SIK3: variants seen among roughly 807,000 people sequenced by gnomAD.
The protein encoded by SIK3 is serine/threonine-protein kinase SIK3.
A neutral mutation model predicts 144.2 loss-of-function variants in SIK3; 28 were observed. The observed-to-expected ratio is 0.19, with a 90% CI of 0.14 to 0.27. The LOEUF (loss-of-function observed/expected upper bound fraction) is 0.27, where lower values mean the gene tolerates loss of function less well. SIK3 is among the 10% of genes least tolerant of loss of function. The probability of loss-of-function intolerance (pLI) is 1.00; values close to 1 mark genes in which losing one functional copy is unlikely to be tolerated. For missense variants in SIK3, 1,319 were observed against 1,776.0 expected (o/e 0.74, Z 4.62); for synonymous variants, 686 against 676.3 (o/e 1.01, Z -0.22).
intron 6 of SIK3, among the ~76,000 whole-genome samples, chr11:116,883,223 A>T (rs1345644213): frequency 6.6e-6 from 1 of 152,232 alleles, no homozygotes; most frequent in African/African-American, 2.4e-5. Context: ...GATTTAAAAA[A>T]TGTTTGTCTC....
At chr11:117,048,468 C>T (rs1473565036) in intron 1 of SIK3, among the ~76,000 whole-genome samples, 1 of 151,966 alleles carries the variant, frequency 6.6e-6, no homozygotes, top group East Asian at 1.9e-4. Context: ...ACCAGCCTGA[C>T]CAACATGGAG....
intron 1 of SIK3, among the ~76,000 whole-genome samples, chr11:116,969,912 T>C (rs1949708113): frequency 6.6e-6 from 1 of 152,194 alleles, no homozygotes; most frequent in Non-Finnish European, 1.5e-5. Flanking sequence ...CTCTAAGATA[T>C]GTTTGTGACC....
intron 1 of SIK3, among the ~76,000 whole-genome samples, chr11:117,008,525 A>C (rs747634949): frequency 3.1e-4 from 47 of 152,236 alleles, no homozygotes; most frequent in Admixed American, 9.2e-4. Context: ...TGCATGGAGA[A>C]AAGTCAAACC....
intron 1 of SIK3, among the ~76,000 whole-genome samples, chr11:116,986,178 G>A (rs922685487): frequency 6.6e-6 from 1 of 152,148 alleles, no homozygotes; most frequent in Non-Finnish European, 1.5e-5. Context: ...GGTTTGTAGT[G>A]TCAGGCAGAC....
At chr11:116,861,977 C>T in intron 17 of SIK3, 51 bp from the exon 18 acceptor site, 1 of 1,390,716 alleles carries the variant, frequency 7.2e-7, no homozygotes, top group South Asian at 1.2e-5. Flanking sequence ...TTGAAGATTA[C>T]TCAGAGCTAT....
chr11:116,930,447 T>C (rs532129232), intron 3 of SIK3, among the ~76,000 whole-genome samples: 4 of 152,232 alleles, frequency 2.6e-5, no homozygotes, highest in South Asian at 2.1e-4. Flanking sequence ...AGTTCAAATG[T>C]GATATTTAAC....
At chr11:116,981,522 C>A (rs1950140398) in intron 1 of SIK3, among the ~76,000 whole-genome samples, 1 of 152,212 alleles carries the variant, frequency 6.6e-6, no homozygotes, top group South Asian at 2.1e-4. Context: ...CCAGCTTCAA[C>A]AGAAAAAGAT....
At chr11:117,029,212 C>T (rs1484600338) in intron 1 of SIK3, among the ~76,000 whole-genome samples, 1 of 152,122 alleles carries the variant, frequency 6.6e-6, no homozygotes. Flanking sequence ...CCCAGCCTAT[C>T]CCAGCACTTT....
intron 12 of SIK3, 132 bp downstream of exon 12, chr11:116,873,771 G>C (rs528429467): frequency 2.0e-6 from 3 of 1,464,522 alleles, no homozygotes; most frequent in Non-Finnish European, 2.8e-6. Flanking sequence ...CCGCTCACCC[G>C]AGCTACTTTG....
At chr11:116,919,988 C>T (rs1001397387) in intron 4 of SIK3, among the ~76,000 whole-genome samples, 2 of 152,116 alleles carry the variant, frequency 1.3e-5, no homozygotes, top group African/African-American at 4.8e-5. Flanking sequence ...TACCAGGAGG[C>T]CCTTCCCTTC....
chr11:116,992,865 G>A (rs1044320292), intron 1 of SIK3, among the ~76,000 whole-genome samples: 1 of 151,988 alleles, frequency 6.6e-6, no homozygotes, highest in African/African-American at 2.4e-5. Context: ...TGCACCTGTA[G>A]TCCCAGCTAT....
At chr11:117,069,860 A>G (rs1954188492) in intron 1 of SIK3, among the ~76,000 whole-genome samples, 1 of 152,240 alleles carries the variant, frequency 6.6e-6, no homozygotes, top group African/African-American at 2.4e-5. Flanking sequence ...TTTGATCTCT[A>G]ACATCATAAA....
intron 4 of SIK3, among the ~76,000 whole-genome samples, chr11:116,901,585 T>G (rs1422584281): frequency 1.3e-5 from 2 of 152,186 alleles, no homozygotes; most frequent in African/African-American, 2.4e-5. Flanking sequence ...CTACAAGAAA[T>G]GTCCCCTATC....
At chr11:117,058,312 G>A (rs979084474) in intron 1 of SIK3, among the ~76,000 whole-genome samples, 2 of 152,014 alleles carry the variant, frequency 1.3e-5, no homozygotes, top group African/African-American at 4.8e-5. Context: ...ATGAGGTCAG[G>A]AGTTCAAGAC....
Position 116,849,088 on chromosome 11 carries a change from CCA to C in SIK3, c.3819+30_3819+31del. ...GTTTCAAGGCTGGGACTGGGAGGAT[CCA>C]CCTCTGTGCAGCAGGTGGGACCAAC... is the stretch of plus-strand genomic sequence containing the variant. On this transcript the variant is annotated intron_variant, in intron 22 of 24. Transcript: ENST00000445177. The surrounding 1 kb of genome is among the most constrained non-coding windows in gnomAD (Gnocchi z 4.2). 1 of 1,551,884 alleles carries C rather than the reference CCA, an allele frequency of 6.4e-7. No individual in the cohort carries two copies. Among genetic ancestry groups the C allele is most frequent in the Non-Finnish European group, 8.7e-7 (1 of 1,144,436 alleles).
At chr11:117,097,767 A>C (rs771814118) in intron 1 of SIK3, among the ~76,000 whole-genome samples, 5 of 151,602 alleles carry the variant, frequency 3.3e-5, no homozygotes, top group Admixed American at 2.0e-4. Flanking sequence ...CCCTGCCCTC[A>C]TTCCCTTATG....
chr11:117,016,353 G>C, intron 1 of SIK3, among the ~76,000 whole-genome samples: 1 of 123,824 alleles, frequency 8.1e-6, no homozygotes, highest in Non-Finnish European at 1.7e-5. Context: ...AAGGAGGGAG[G>C]GAGGGAGGGA....
At chr11:117,010,167 C>T (rs1329261584) in intron 1 of SIK3, among the ~76,000 whole-genome samples, 4 of 152,008 alleles carry the variant, frequency 2.6e-5, no homozygotes, top group Non-Finnish European at 2.9e-5. Context: ...TCACAATGGG[C>T]CCTCCTTCAT....
intron 3 of SIK3, among the ~76,000 whole-genome samples, chr11:116,927,881 ATCTT>A (rs1947364712): frequency 6.6e-6 from 1 of 152,234 alleles, no homozygotes; most frequent in South Asian, 2.1e-4. Flanking sequence ...TTAGGTTACT[ATCTT>A]TCTGCTTTCT....
Sources: gnomAD v4.1 joint callset for allele counts (sites outside exome capture counted in the v4.1 genomes callset) on GRCh38, gnomAD v4.1.1 for gene constraint, Gnocchi (gnomAD v3.1) non-coding constraint, MANE v1.5 for transcripts, NCBI Gene and HGNC (gene_info 2026-07-23, HGNC 2026-07-21) for gene names.